The following BCKDHB variants were observed in gnomAD, a reference collection of about 807,000 sequenced individuals.
BCKDHB encodes the protein 2-oxoisovalerate dehydrogenase subunit beta, mitochondrial.
BCKDHB carries 41 observed loss-of-function variants against 48.5 expected under a neutral mutation model. The ratio of observed to expected loss-of-function variants is 0.85; its 90% CI spans 0.66 to 1.10. BCKDHB has a LOEUF of 1.10. Ranked by LOEUF, BCKDHB falls within the 50% of genes least tolerant of loss-of-function variation. The pLI is 0.00. For synonymous variants in BCKDHB, 201 were observed against 174.8 expected, an observed-to-expected ratio of 1.15 and a Z score of -1.18; for missense variants, 496 against 494.2, an observed-to-expected ratio of 1.00 and a Z score of -0.03.
chr6:80,292,045 C>T (rs2127985051), intron 9 of BCKDHB, among the ~76,000 whole-genome samples: 1 of 152,200 alleles, frequency 6.6e-6, no homozygotes, highest in East Asian at 1.9e-4. Flanking sequence ...AATTCCCCTC[C>T]TTTTATGGTC....
At chr6:80,420,690 G>A in the BCKDHB span, among the ~76,000 whole-genome samples, 2,621 of 152,270 alleles carry the variant, frequency 0.017, 68 homozygotes, top group African/African-American at 0.059. Context: ...GTTGAGCATT[G>A]TGCAGGTTGC....
intron 3 of BCKDHB, among the ~76,000 whole-genome samples, chr6:80,139,487 G>A (rs1404163321): frequency 6.6e-6 from 1 of 151,032 alleles, no homozygotes; most frequent in Non-Finnish European, 1.5e-5. Flanking sequence ...TGTATAAGGT[G>A]TAAGGAAGGG....
chr6:80,336,467 T>C (rs1341452821), intron 9 of BCKDHB, among the ~76,000 whole-genome samples: 2 of 120,034 alleles, frequency 1.7e-5, no homozygotes, highest in Non-Finnish European at 3.4e-5. Context: ...ATTCTTTAAC[T>C]AGCGGAAAGA....
chr6:80,455,733 T>C, the BCKDHB span, among the ~76,000 whole-genome samples: 1 of 152,124 alleles, frequency 6.6e-6, no homozygotes, highest in South Asian at 2.1e-4. Context: ...CTGCAATTCT[T>C]AAAATCCTTA....
At chr6:80,321,394 C>A (rs1241637482) in intron 9 of BCKDHB, among the ~76,000 whole-genome samples, 1 of 152,136 alleles carries the variant, frequency 6.6e-6, no homozygotes, top group African/African-American at 2.4e-5. Context: ...ATAGTCCTAT[C>A]CCTCGTCCAG....
chr6:80,169,661 C>A, intron 5 of BCKDHB: 1 of 574,792 alleles, frequency 1.7e-6, no homozygotes, highest in Non-Finnish European at 2.7e-6. Flanking sequence ...TTTTCTGTTT[C>A]TGTTTACTGA....
chr6:80,229,045 G>T (rs1346223418), intron 8 of BCKDHB, among the ~76,000 whole-genome samples: 1 of 152,112 alleles, frequency 6.6e-6, no homozygotes, highest in East Asian at 1.9e-4. Flanking sequence ...AGGCATTCTC[G>T]TTAAAACTGT....
At position 80,230,026 on chromosome 6, in the gene BCKDHB, G is replaced by GTTTTTT. The variant is rs551632775; in HGVS notation, c.951+26839_951+26844dup. 6.9e-3 allele frequency among the ~76,000 whole-genome samples: 416 copies of GTTTTTT among 60,634 alleles called. 48 individuals are homozygous for GTTTTTT. Among genetic ancestry groups the GTTTTTT allele is most frequent in the African/African-American group, 0.022 (322 of 14,464 alleles). The allele number at this position is 60,634 out of a possible 152,430, so 39.8% of individuals were successfully genotyped here. On this transcript the variant is annotated intron_variant, in intron 8 of 9. Coordinates refer to ENST00000320393, the MANE Select transcript of BCKDHB (RefSeq NM_183050.4). ...TGAATTCCAAAGGGGTTTTTAGGTT[G>GTTTTTT]TTTTTTTTTTTTTTTTTTTTTTTTT...
chr6:80,238,747 C>T (rs1776250653), intron 8 of BCKDHB, among the ~76,000 whole-genome samples: 1 of 125,674 alleles, frequency 8.0e-6, no homozygotes, highest in Admixed American at 9.9e-5. Flanking sequence ...CTATCCCTCC[C>T]CCCTCCTCCC....
At chr6:80,453,751 A>G in the BCKDHB span, among the ~76,000 whole-genome samples, 1 of 152,190 alleles carries the variant, frequency 6.6e-6, no homozygotes, top group Admixed American at 6.5e-5. Flanking sequence ...AGCTCTGGGG[A>G]GGTTGCAAGT....
intron 9 of BCKDHB, among the ~76,000 whole-genome samples, chr6:80,287,947 A>G (rs1766707907): frequency 6.6e-6 from 1 of 152,186 alleles, no homozygotes; most frequent in African/African-American, 2.4e-5. Flanking sequence ...GCCAGTAGCT[A>G]CTGCTTCTTG....
chr6:80,126,125 G>A (rs961524631), intron 1 of BCKDHB, among the ~76,000 whole-genome samples: 3 of 152,068 alleles, frequency 2.0e-5, no homozygotes, highest in Non-Finnish European at 2.9e-5. Flanking sequence ...GAGTAAATTC[G>A]TATTATCTCC....
At chr6:80,123,088 C>A (rs909386221) in intron 1 of BCKDHB, among the ~76,000 whole-genome samples, 42 of 151,444 alleles carry the variant, frequency 2.8e-4, no homozygotes, top group African/African-American at 1.0e-3. Context: ...AGGCTCTCTG[C>A]AAGAAGAAAA....
At chr6:80,412,887 G>T in the BCKDHB span, among the ~76,000 whole-genome samples, 2 of 152,106 alleles carry the variant, frequency 1.3e-5, no homozygotes, top group Non-Finnish European at 2.9e-5. Context: ...GTCTTATGAA[G>T]GTTCCCTTGA....
chr6:80,267,964 A>C (rs1777582985), intron 8 of BCKDHB, among the ~76,000 whole-genome samples: 1 of 152,060 alleles, frequency 6.6e-6, no homozygotes, highest in Admixed American at 6.6e-5. Flanking sequence ...ATACTAAAAT[A>C]TGTGTAACCC....
the BCKDHB span, among the ~76,000 whole-genome samples, chr6:80,420,941 T>A: frequency 6.6e-6 from 1 of 152,240 alleles, no homozygotes; most frequent in South Asian, 2.1e-4. Flanking sequence ...ACATGTAGAG[T>A]GAAACTGTTC....
At chr6:80,189,214 A>G (rs1273893248) in intron 6 of BCKDHB, among the ~76,000 whole-genome samples, 1 of 152,224 alleles carries the variant, frequency 6.6e-6, no homozygotes, top group Non-Finnish European at 1.5e-5. Flanking sequence ...TCAGTAATAT[A>G]GTTTCCAACA....
chr6:80,238,081 G>A (rs951772045), intron 8 of BCKDHB, among the ~76,000 whole-genome samples: 2 of 151,966 alleles, frequency 1.3e-5, no homozygotes, highest in African/African-American at 4.8e-5. Context: ...AGAGTATTGA[G>A]GAGATTTTAA....
the BCKDHB span, among the ~76,000 whole-genome samples, chr6:80,377,891 G>C: frequency 6.6e-6 from 1 of 152,144 alleles, no homozygotes; most frequent in African/African-American, 2.4e-5. Flanking sequence ...AATTCTGAGA[G>C]GGATTATAGA....
Sources: allele counts gnomAD v4.1 joint callset (sites outside exome capture counted in the v4.1 genomes callset), GRCh38; gene constraint gnomAD v4.1.1; transcripts MANE v1.5; gene names NCBI Gene and HGNC (gene_info 2026-07-23, HGNC 2026-07-21).